The following FAM133B variants were observed in gnomAD, a reference collection of about 807,000 sequenced individuals.
FAM133B encodes protein FAM133B.
A neutral mutation model predicts 46.4 loss-of-function variants in FAM133B; 25 were observed. The observed-to-expected ratio is 0.54, with a 90% CI of 0.39 to 0.75. The LOEUF (loss-of-function observed/expected upper bound fraction) is 0.75. Ranked by LOEUF, FAM133B falls within the 30% of genes least tolerant of loss-of-function variation. The pLI is 0.00. For synonymous variants in FAM133B, 75 were observed against 86.0 expected (o/e 0.87, Z 0.71); for missense variants, 205 against 277.6 (o/e 0.74, Z 1.86).
At chr7:92,564,703 T>C (rs1360700045) in intron 10 of FAM133B, among the ~76,000 whole-genome samples, 1 of 152,206 alleles carries the variant, frequency 6.6e-6, no homozygotes, top group African/African-American at 2.4e-5. Context: ...TTCATTTTTC[T>C]TTCACCTTTC....
chr7:92,587,928 A>G (rs1240554452), intron 1 of FAM133B, among the ~76,000 whole-genome samples: 2 of 152,062 alleles, frequency 1.3e-5, no homozygotes, highest in African/African-American at 2.4e-5. Flanking sequence ...GGTAAACGGG[A>G]TATCTTTGTA....
At chr7:92,581,629 C>A (rs1234235362) in intron 1 of FAM133B, 26 bp from the exon 2 acceptor site, 4 of 1,577,452 alleles carry the variant, frequency 2.5e-6, no homozygotes, top group Non-Finnish European at 8.7e-7. Flanking sequence ...ACAATTAATC[C>A]ATTAAAGCAA....
At chr7:92,582,312 A>C (rs1398218349) in intron 1 of FAM133B, among the ~76,000 whole-genome samples, 3 of 132,566 alleles carry the variant, frequency 2.3e-5, no homozygotes, top group Non-Finnish European at 4.9e-5. Flanking sequence ...AATAACATAA[A>C]ATAACATAAC....
intron 3 of FAM133B, chr7:92,579,114 G>A: frequency 1.9e-6 from 1 of 518,630 alleles, no homozygotes; most frequent in Non-Finnish European, 3.5e-6. Context: ...CTCTTTAACT[G>A]AGAGAGCTAT....
At chr7:92,567,790 G>A (rs1794403248) in intron 9 of FAM133B, among the ~76,000 whole-genome samples, 1 of 151,130 alleles carries the variant, frequency 6.6e-6, no homozygotes, top group African/African-American at 2.4e-5. Context: ...TTTTGACAAA[G>A]TCTCGCTCTG....
rs373570419 is a variant in FAM133B, at chr7:92,582,366, T to C, written c.25-763A>G. 1.2e-4 allele frequency among the ~76,000 whole-genome samples: 18 copies of C among 152,282 alleles called. 1 individual carries two copies. Among genetic ancestry groups the C allele is most frequent in the African/African-American group, 4.1e-4 (17 of 41,544 alleles). ...ATTTCCAAAGAAGTTAAATAAGATC[T>C]AACTCTAAATTCATTGTTTATTCAA... On this transcript the variant is annotated intron_variant, in intron 1 of 10. Coordinates refer to ENST00000445716, the MANE Select transcript of FAM133B (RefSeq NM_152789.4).
chr7:92,577,727 G>T lies in FAM133B; in HGVS notation c.310-10C>A. ...AAGAAGAAGATGAATACTTGACCAAGCACAAAACAATTAAAGCTTGTGAGA... is the reference window on the plus strand; with the variant it reads ...AAGAAGAAGATGAATACTTGACCAATCACAAAACAATTAAAGCTTGTGAGA... On this transcript the variant is annotated splice_polypyrimidine_tract_variant and intron_variant, in intron 5 of 10. Transcript: ENST00000445716. 1 of 1,564,820 alleles carries T rather than the reference G, an allele frequency of 6.4e-7. No homozygotes were observed. The highest frequency in any genetic ancestry group is 8.7e-7 in the Non-Finnish European group (1 of 1,154,492).
chr7:92,574,765 C>T (rs888415787), intron 8 of FAM133B, among the ~76,000 whole-genome samples: 21 of 151,616 alleles, frequency 1.4e-4, no homozygotes, highest in Admixed American at 3.3e-4. Flanking sequence ...ATTAGCCGGG[C>T]GCGGTGGCGG....
intron 1 of FAM133B, 46 bp from the exon 2 acceptor site, chr7:92,581,649 A>G (rs1232647365): frequency 2.1e-6 from 3 of 1,456,508 alleles, no homozygotes; most frequent in East Asian, 2.3e-5. Context: ...ATCATTAAAC[A>G]TGCAAAACCT....
intron 8 of FAM133B, among the ~76,000 whole-genome samples, chr7:92,570,200 T>C (rs1032454134): frequency 6.6e-6 from 1 of 152,154 alleles, no homozygotes; most frequent in Non-Finnish European, 1.5e-5. Flanking sequence ...ATGCAGATAA[T>C]GTAAGATTTG....
intron 1 of FAM133B, 148 bp from the exon 2 acceptor site, chr7:92,581,751 A>G: frequency 1.6e-6 from 1 of 615,010 alleles, no homozygotes; most frequent in Non-Finnish European, 2.8e-6. Flanking sequence ...TTCTAAAAAA[A>G]TTAATTTAAT....
At chr7:92,577,978 T>G (rs1562894718) in intron 5 of FAM133B, 172 bp downstream of exon 5, 24 of 695,594 alleles carry the variant, frequency 3.5e-5, no homozygotes, top group Middle Eastern at 7.8e-4. Context: ...GTTGGCACCG[T>G]TTTTTATGTC....
chr7:92,584,759 A>C (rs1337480540), intron 1 of FAM133B, among the ~76,000 whole-genome samples: 2 of 152,236 alleles, frequency 1.3e-5, no homozygotes, highest in Non-Finnish European at 2.9e-5. Flanking sequence ...AAATGAAGAC[A>C]ATGAAGGCAA....
At chr7:92,565,324 A>ATT (rs1361599092) in intron 10 of FAM133B, among the ~76,000 whole-genome samples, 1 of 127,702 alleles carries the variant, frequency 7.8e-6, no homozygotes, top group East Asian at 2.3e-4. Flanking sequence ...TAATTTTTGT[A>ATT]TTTTTTTTTT....
rs751729358 is a variant in FAM133B at position 92,590,334 on chromosome 7, G to T, written c.-43C>A. ...ACAGTAGCACGCCGAGGGAAACCGGGCCGGAGAGACTGCCGAAGAGGGCCT... is the reference window on the plus strand; with the variant it reads ...ACAGTAGCACGCCGAGGGAAACCGGTCCGGAGAGACTGCCGAAGAGGGCCT... On this transcript the variant is annotated 5_prime_UTR_variant, in exon 1 of 11. Coordinates refer to ENST00000445716, the MANE Select transcript of FAM133B (RefSeq NM_152789.4). The T allele has an allele frequency of 1.2e-6, 2 of 1,612,984 alleles. No homozygotes were observed. Among genetic ancestry groups the T allele is most frequent in the African/African-American group, 1.3e-5 (1 of 74,882 alleles).
intron 10 of FAM133B, among the ~76,000 whole-genome samples, chr7:92,564,879 C>A (rs1190046072): frequency 6.6e-6 from 1 of 152,156 alleles, no homozygotes; most frequent in African/African-American, 2.4e-5. Flanking sequence ...CCTTAATTCG[C>A]CTCTTCTTTC....
At position 92,577,735 on chromosome 7, in the gene FAM133B, CAATT is replaced by C. The variant is rs1562894606; in HGVS notation, c.310-22_310-19del. 2.6e-6 allele frequency: 4 copies of C among 1,556,038 alleles called. No individual in the cohort carries two copies. ...GATGAATACTTGACCAAGCACAAAACAATTAAAGCTTGTGAGATGCGAGAATGTT... is the reference window on the plus strand; with the variant it reads ...GATGAATACTTGACCAAGCACAAAACAAAGCTTGTGAGATGCGAGAATGTT... On this transcript the variant is annotated intron_variant, in intron 5 of 10. Coordinates refer to ENST00000445716, the MANE Select transcript of FAM133B (RefSeq NM_152789.4).
At chr7:92,588,212 G>A (rs1562900096) in intron 1 of FAM133B, among the ~76,000 whole-genome samples, 2 of 152,186 alleles carry the variant, frequency 1.3e-5, no homozygotes, top group Non-Finnish European at 2.9e-5. Context: ...AAAGTAGTAA[G>A]TAGAGCCCAG....
intron 6 of FAM133B, 128 bp downstream of exon 6, chr7:92,577,527 C>T (rs1216074691): frequency 1.0e-5 from 7 of 689,800 alleles, no homozygotes; most frequent in Non-Finnish European, 1.6e-5. Flanking sequence ...TGTTAGTCCT[C>T]TAAGTTATGG....
Sources: gnomAD v4.1 joint callset for allele counts (sites outside exome capture counted in the v4.1 genomes callset) on GRCh38, gnomAD v4.1.1 for gene constraint, MANE v1.5 for transcripts, NCBI Gene and HGNC (gene_info 2026-07-23, HGNC 2026-07-21) for gene names.